Variants in HSF2BP observed in about 807,000 individuals in gnomAD.
HSF2BP encodes heat shock transcription factor 2 binding protein, also known as heat shock factor 2-binding protein.
A neutral mutation model predicts 35.0 loss-of-function variants in HSF2BP; 35 were observed. The observed-to-expected ratio is 1.00, with a 90% CI of 0.76 to 1.32. HSF2BP has a LOEUF of 1.32. HSF2BP is among the 40% of genes most tolerant of loss of function. The probability of loss-of-function intolerance (pLI) is 0.00; values close to 1 mark genes in which losing one functional copy is unlikely to be tolerated. For missense variants in HSF2BP, 326 were observed against 321.7 expected (o/e 1.01, Z -0.10); for synonymous variants, 114 against 117.4 (o/e 0.97, Z 0.18).
intron 6 of HSF2BP, among the ~76,000 whole-genome samples, chr21:43,615,063 A>G (rs1601672035): frequency 6.6e-6 from 1 of 152,210 alleles, no homozygotes; most frequent in Admixed American, 6.5e-5. Flanking sequence ...TACTGGCTCC[A>G]TCAACATTTC....
At chr21:43,644,470 G>C in intron 3 of HSF2BP, 78 bp from the exon 4 acceptor site, 1 of 1,126,032 alleles carries the variant, frequency 8.9e-7, no homozygotes, top group Non-Finnish European at 1.3e-6. Flanking sequence ...GCCCAGTCTT[G>C]ACTTAGTAAA....
chr21:43,644,057 A>G (rs2082676003), intron 4 of HSF2BP, among the ~76,000 whole-genome samples: 1 of 152,246 alleles, frequency 6.6e-6, no homozygotes, highest in African/African-American at 2.4e-5. Context: ...GTTGTAGGGC[A>G]GATTTTTAAA....
intron 6 of HSF2BP, among the ~76,000 whole-genome samples, chr21:43,620,997 G>A (rs1321519154): frequency 6.6e-6 from 1 of 152,060 alleles, no homozygotes. Flanking sequence ...CAACAATAAG[G>A]GGTAGAAAGC....
the HSF2BP span, chr21:43,476,024 G>A: frequency 1.8e-4 from 2 of 11,348 alleles, no homozygotes; most frequent in African/African-American, 1.2e-3. Context: ...AAGTCACAAA[G>A]CAGGATCTGC....
At chr21:43,644,455 AT>A in intron 3 of HSF2BP, 63 bp from the exon 4 acceptor site, 1 of 1,334,320 alleles carries the variant, frequency 7.5e-7, no homozygotes, top group Non-Finnish European at 1.1e-6. Context: ...CTAAGCATCT[AT>A]TTTGCCCAGT....
In HSF2BP at chr21:43,651,799, C is replaced by T. The variant is rs574726491; in HGVS notation, c.187+4788G>A. Among the ~76,000 whole-genome samples, 4 of 152,282 alleles carry T rather than the reference C, an allele frequency of 2.6e-5. No homozygotes were observed. The East Asian group carries it at 7.7e-4, about 29-fold the overall frequency. ...GCCTAGAATATCTCCCCTTCTCCTC[C>T]TAACAAATCATGCCTCTCCCCAGTA... On this transcript the variant is annotated intron_variant, in intron 3 of 8. Transcript: ENST00000291560.
At chr21:43,596,292 C>A (rs1185842805) in intron 7 of HSF2BP, among the ~76,000 whole-genome samples, 2 of 151,950 alleles carry the variant, frequency 1.3e-5, no homozygotes, top group African/African-American at 4.8e-5. Context: ...ACTGAAAGTA[C>A]ATCTCTATAA....
In HSF2BP at chr21:43,597,048, G is replaced by A. The variant is rs77003380; in HGVS notation, c.693-4720C>T. Among the ~76,000 whole-genome samples the A allele has an allele frequency of 2.0e-5, 3 of 152,076 alleles. No homozygotes were observed. The highest frequency in any genetic ancestry group is 4.1e-4 in the South Asian group (2 of 4,836). On this transcript the variant is annotated intron_variant, in intron 7 of 8. Transcript: ENST00000291560. The surrounding 1 kb of genome is among the most constrained non-coding windows in gnomAD (Gnocchi z 4.3). ...GAGTCCAGGGTCACCAGGGTGGAAA[G>A]AAAGGGAAGAAGATACCTAGAAAGG... is the stretch of plus-strand genomic sequence containing the variant.
intron 4 of HSF2BP, among the ~76,000 whole-genome samples, chr21:43,639,578 C>T (rs2082608989): frequency 6.6e-6 from 1 of 152,076 alleles, no homozygotes; most frequent in African/African-American, 2.4e-5. Context: ...TAGGGAAATG[C>T]AAATTAAAAC....
Position 43,658,198 on chromosome 21 carries a change from G to C in HSF2BP, c.-102C>G. The C allele has an allele frequency of 8.9e-6, 12 of 1,342,228 alleles. No individual in the cohort carries two copies. Among genetic ancestry groups the C allele is most frequent in the Non-Finnish European group, 9.8e-6 (10 of 1,015,606 alleles). The allele number at this position is 1,342,228 out of a possible 1,614,324, so 83.1% of individuals were successfully genotyped here. A position where few individuals can be genotyped will look rare whatever the true frequency, so the allele number is the denominator to read the frequency against. ...GAATCCACGCCGGGGGTCGGGAACGGAGAGCCGCCAGGCCCAAACCTCCCA... is the reference window on the plus strand; with the variant it reads ...GAATCCACGCCGGGGGTCGGGAACGCAGAGCCGCCAGGCCCAAACCTCCCA... On this transcript the variant is annotated 5_prime_UTR_variant, in exon 2 of 9. Transcript: ENST00000291560.
chr21:43,604,823 GCACACCACA>G (rs1484058287), intron 7 of HSF2BP, among the ~76,000 whole-genome samples: 5 of 66,484 alleles, frequency 7.5e-5, no homozygotes, highest in Non-Finnish European at 1.5e-4. Context: ...CACCCACATC[GCACACCACA>G]CACACCACAC....
chr21:43,596,315 G>T (rs751684455), intron 7 of HSF2BP, among the ~76,000 whole-genome samples: 3 of 151,724 alleles, frequency 2.0e-5, no homozygotes, highest in Non-Finnish European at 4.4e-5. Context: ...ATAAGTCAAA[G>T]AAATTATGAG....
At chr21:43,620,756 T>C (rs2082322853) in intron 6 of HSF2BP, among the ~76,000 whole-genome samples, 1 of 151,946 alleles carries the variant, frequency 6.6e-6, no homozygotes, top group Non-Finnish European at 1.5e-5. Flanking sequence ...ATCATCACCA[T>C]CAAACAGAAA....
At chr21:43,630,846 T>C (rs75290307) in intron 5 of HSF2BP, among the ~76,000 whole-genome samples, 3,769 of 152,172 alleles carry the variant, frequency 0.025, 48 homozygotes, top group Middle Eastern at 0.065. Flanking sequence ...AATGAAAACA[T>C]GTAAAAGAGG....
chr21:43,468,018 TAC>T, the HSF2BP span, among the ~76,000 whole-genome samples: 1 of 48,512 alleles, frequency 2.1e-5, no homozygotes, highest in East Asian at 6.9e-4. Context: ...CCACAAACCA[TAC>T]ACACAGCACA....
intron 7 of HSF2BP, among the ~76,000 whole-genome samples, chr21:43,604,515 A>G: frequency 7.5e-6 from 1 of 134,098 alleles, no homozygotes. Flanking sequence ...CACACACTAT[A>G]CACACCCCAC....
In HSF2BP at chr21:43,600,262, A is replaced by G. The variant is rs146389631; in HGVS notation, c.693-7934T>C. On this transcript the variant is annotated intron_variant, in intron 7 of 8. Coordinates refer to ENST00000291560, the MANE Select transcript of HSF2BP (RefSeq NM_007031.2). ...CATCTTAAAAGAAAATATAACTTGC[A>G]ACCTACGAGTAACAGAATAAACACG... 4.1e-4 allele frequency among the ~76,000 whole-genome samples: 62 copies of G among 152,352 alleles called. No individual in the cohort carries two copies. The Middle Eastern group carries it at 0.01, about 25-fold the overall frequency.
At chr21:43,617,562 C>T (rs1352302607) in intron 6 of HSF2BP, among the ~76,000 whole-genome samples, 2 of 151,402 alleles carry the variant, frequency 1.3e-5, no homozygotes. Context: ...AACTAAAAAA[C>T]TGCCAGTTAA....
At chr21:43,580,014 C>T (rs1009982090) in intron 8 of HSF2BP, among the ~76,000 whole-genome samples, 1 of 152,192 alleles carries the variant, frequency 6.6e-6, no homozygotes, top group Non-Finnish European at 1.5e-5. Flanking sequence ...TCTGATGCCT[C>T]GACCTGTCTC....
Sources: allele counts gnomAD v4.1 joint callset (sites outside exome capture counted in the v4.1 genomes callset), GRCh38; gene constraint gnomAD v4.1.1; non-coding constraint Gnocchi (gnomAD v3.1); transcripts MANE v1.5; gene names NCBI Gene and HGNC (gene_info 2026-07-23, HGNC 2026-07-21).